Variants in PCP4L1 observed in about 807,000 individuals in gnomAD.
PCP4L1 encodes Purkinje cell protein 4-like protein 1.
PCP4L1 carries 9 observed loss-of-function variants against 9.6 expected under a neutral mutation model. The ratio of observed to expected loss-of-function variants is 0.94; its 90% CI spans 0.57 to 1.64. PCP4L1 has a LOEUF of 1.64. PCP4L1 is among the 40% of genes most tolerant of loss of function. The pLI, the probability that PCP4L1 is intolerant of heterozygous loss-of-function variation, is 0.00. For synonymous variants in PCP4L1, 31 were observed against 28.2 expected (o/e 1.10, Z -0.31); for missense variants, 81 against 80.8 (o/e 1.00, Z -0.01).
chr1:161,271,061 A>G (rs1007686489), intron 1 of PCP4L1, among the ~76,000 whole-genome samples: 24 of 152,202 alleles, frequency 1.6e-4, no homozygotes, highest in Non-Finnish European at 1.6e-4. Context: ...GTATGTGTGA[A>G]TATAAGTTTT....
At chr1:161,276,588 C>T (rs182136138) in intron 1 of PCP4L1, among the ~76,000 whole-genome samples, 13 of 150,984 alleles carry the variant, frequency 8.6e-5, no homozygotes, top group Admixed American at 7.9e-4. Context: ...GGCTGAGGTG[C>T]GAGGATCGCT....
At chr1:161,268,283 G>A (rs1558142855) in intron 1 of PCP4L1, among the ~76,000 whole-genome samples, 1 of 152,028 alleles carries the variant, frequency 6.6e-6, no homozygotes, top group Non-Finnish European at 1.5e-5. Flanking sequence ...AAGTATTTAT[G>A]AAACTCCTAC....
Position 161,284,438 on chromosome 1 carries a change from A to C in PCP4L1, c.164A>C (p.Lys55Thr), listed in dbSNP as rs1377911521. Residue 55 changes from lysine to threonine, a missense_variant, in exon 3 of 3, where the codon AAG becomes ACG. Transcript: ENST00000504449. ...AAGGCTGCCCTTGCTATTCAGGGCA[A>C]GTTCCGGCGATTTCAGAAAAGGAAA... Reference protein sequence around the residue: ...TEKAALAIQGKFRRFQKRKKD... With the variant: ...TEKAALAIQGTFRRFQKRKKD... 1 of 1,613,894 alleles carries C rather than the reference A, an allele frequency of 6.2e-7. No individual in the cohort carries two copies. Among genetic ancestry groups the C allele is most frequent in the East Asian group, 2.2e-5 (1 of 44,902 alleles).
intron 1 of PCP4L1, among the ~76,000 whole-genome samples, chr1:161,279,017 A>C (rs1327230593): frequency 2.9e-4 from 44 of 152,248 alleles, no homozygotes; most frequent in Admixed American, 2.9e-3. Flanking sequence ...TCCTGGACTC[A>C]AGCAATCCGC....
At chr1:161,270,698 G>A (rs1669609995) in intron 1 of PCP4L1, among the ~76,000 whole-genome samples, 2 of 151,526 alleles carry the variant, frequency 1.3e-5, no homozygotes, top group South Asian at 4.2e-4. Context: ...ATGGTGAAAC[G>A]CCATCTCTAC....
At chr1:161,281,419 C>T (rs960289599) in intron 1 of PCP4L1, among the ~76,000 whole-genome samples, 14 of 151,208 alleles carry the variant, frequency 9.3e-5, no homozygotes, top group African/African-American at 1.5e-4. Context: ...AAGGGGCGGC[C>T]GGGCAGAGGC....
rs1160429112 is a variant in PCP4L1 at position 161,263,899 on chromosome 1, C to CTT, written c.9+4943_9+4944dup. ...ATGCTTGGCCTCAATACTTTCTTTC[C>CTT]TTTTTTTTTTTTTTTTTTTTTTTTT... is the stretch of plus-strand genomic sequence containing the variant. On this transcript the variant is annotated intron_variant, in intron 1 of 2. Coordinates refer to ENST00000504449, the MANE Select transcript of PCP4L1 (RefSeq NM_001102566.2). Among the ~76,000 whole-genome samples the CTT allele has an allele frequency of 6.2e-4, 44 of 70,794 alleles. 3 individuals are homozygous for CTT. Among genetic ancestry groups the CTT allele is most frequent in the African/African-American group, 8.6e-4 (14 of 16,286 alleles). The allele number at this position is 70,794 out of a possible 152,430, so 46.4% of individuals were successfully genotyped here. A position where few individuals can be genotyped will look rare whatever the true frequency, so the allele number is the denominator to read the frequency against.
intron 1 of PCP4L1, among the ~76,000 whole-genome samples, chr1:161,264,267 C>A (rs1439635863): frequency 6.6e-6 from 1 of 151,650 alleles, no homozygotes; most frequent in Non-Finnish European, 1.5e-5. Flanking sequence ...TGCCTGTAAT[C>A]CCAGCATTTG....
chr1:161,272,558 CAA>C (rs551047419), intron 1 of PCP4L1, among the ~76,000 whole-genome samples: 24 of 71,834 alleles, frequency 3.3e-4, no homozygotes, highest in Admixed American at 7.7e-4. Context: ...AACTCCGTCT[CAA>C]AAAAAAAAAA....
At chr1:161,276,472 C>T (rs542567588) in intron 1 of PCP4L1, among the ~76,000 whole-genome samples, 1 of 152,022 alleles carries the variant, frequency 6.6e-6, no homozygotes, top group East Asian at 1.9e-4. Flanking sequence ...TGCTTGAGTC[C>T]AGGAGTTTGA....
intron 1 of PCP4L1, among the ~76,000 whole-genome samples, chr1:161,266,637 G>A (rs1446120167): frequency 6.6e-6 from 1 of 152,158 alleles, no homozygotes; most frequent in Non-Finnish European, 1.5e-5. Context: ...AGCTAGGGTT[G>A]TTTAGGTTCT....
Position 161,284,677 on chromosome 1 carries a change from A to T in PCP4L1, c.*196A>T. The stretch of plus-strand genomic sequence containing the variant: ...AGAGGTGGAGAAGATGAAGACTTCA[A>T]TCAGCAGTCACTAGTCTAAGGGTGG... On this transcript the variant is annotated 3_prime_UTR_variant, in exon 3 of 3. Transcript: ENST00000504449. 1 of 696,504 alleles carries T rather than the reference A, an allele frequency of 1.4e-6. No individual in the cohort carries two copies. The allele number at this position is 696,504 out of a possible 1,614,324, so 43.1% of individuals were successfully genotyped here.
chr1:161,276,980 A>C (rs573795612), intron 1 of PCP4L1, among the ~76,000 whole-genome samples: 3 of 152,284 alleles, frequency 2.0e-5, no homozygotes, highest in Admixed American at 2.0e-4. Flanking sequence ...AGCCAGGTGC[A>C]GTGGCATTAC....
intron 1 of PCP4L1, 111 bp downstream of exon 1, chr1:161,259,094 CCCTCCA>C (rs1372878401): frequency 6.9e-7 from 1 of 1,440,086 alleles, no homozygotes; most frequent in Admixed American, 2.3e-5. Context: ...CCGCGAAGAA[CCCTCCA>C]GGGGCGCCCC....
chr1:161,272,558 C>CAAA (rs551047419), intron 1 of PCP4L1, among the ~76,000 whole-genome samples: 2 of 71,846 alleles, frequency 2.8e-5, no homozygotes, highest in Non-Finnish European at 5.8e-5. Flanking sequence ...AACTCCGTCT[C>CAAA]AAAAAAAAAA....
In PCP4L1 at chr1:161,258,758, A is replaced by G. The variant is rs532094605; in HGVS notation, c.-217A>G. 5 of 695,736 alleles carry G rather than the reference A, an allele frequency of 7.2e-6. No homozygotes were observed. The highest frequency in any genetic ancestry group is 2.9e-5 in the East Asian group (1 of 35,046). The allele number at this position is 695,736 out of a possible 1,614,324, so 43.1% of individuals were successfully genotyped here. A position where few individuals can be genotyped will look rare whatever the true frequency, so the allele number is the denominator to read the frequency against. ...AGGCGGCGAGCTGAGCGGCTCTGACAGGACGGGTCGCAGGGGGTCGCCTGG... is the reference window on the plus strand; with the variant it reads ...AGGCGGCGAGCTGAGCGGCTCTGACGGGACGGGTCGCAGGGGGTCGCCTGG... On this transcript the variant is annotated 5_prime_UTR_variant, in exon 1 of 3. Coordinates refer to ENST00000504449, the MANE Select transcript of PCP4L1 (RefSeq NM_001102566.2).
intron 1 of PCP4L1, among the ~76,000 whole-genome samples, chr1:161,262,055 G>A (rs997931798): frequency 2.0e-5 from 3 of 152,152 alleles, no homozygotes; most frequent in African/African-American, 7.2e-5. Context: ...GGAGATCCAA[G>A]TTTCTCTCTC....
At chr1:161,266,320 A>G (rs1669529849) in intron 1 of PCP4L1, among the ~76,000 whole-genome samples, 1 of 152,170 alleles carries the variant, frequency 6.6e-6, no homozygotes, top group East Asian at 1.9e-4. Flanking sequence ...CATTAACACC[A>G]TGGGTGGGAT....
At chr1:161,273,726 T>C (rs1487617636) in intron 1 of PCP4L1, among the ~76,000 whole-genome samples, 2 of 152,090 alleles carry the variant, frequency 1.3e-5, no homozygotes, top group Admixed American at 6.6e-5. Context: ...ATCAGGGTGA[T>C]TAGATCAATT....
Sources: allele counts gnomAD v4.1 joint callset (sites outside exome capture counted in the v4.1 genomes callset), GRCh38; gene constraint gnomAD v4.1.1; transcripts MANE v1.5; gene names NCBI Gene and HGNC (gene_info 2026-07-23, HGNC 2026-07-21).